BEND5: variants seen among roughly 807,000 people sequenced by gnomAD.
The protein encoded by BEND5 is BEN domain containing 5.
Under a neutral mutation model 43.9 loss-of-function variants are expected in BEND5, and 22 were observed. That is an observed-to-expected ratio of 0.50 (90% confidence interval 0.36 to 0.72). The LOEUF (loss-of-function observed/expected upper bound fraction) is 0.72. BEND5 is among the 30% of genes least tolerant of loss of function. BEND5 has a pLI of 0.00. For missense variants in BEND5, 428 were observed against 550.6 expected (o/e 0.78, Z 2.23); for synonymous variants, 228 against 225.9 (o/e 1.01, Z -0.08).
At chr1:48,767,114 G>A (rs998896523) in intron 1 of BEND5, among the ~76,000 whole-genome samples, 1 of 152,172 alleles carries the variant, frequency 6.6e-6, no homozygotes, top group Non-Finnish European at 1.5e-5. Context: ...GGAGAGGGTG[G>A]CCCAGTATCT....
rs80063625 is a variant in BEND5 at position 48,747,934 on chromosome 1, T to C, written c.746-5163A>G. Among the ~76,000 whole-genome samples, 1,450 of 152,302 alleles carry C rather than the reference T, an allele frequency of 9.5e-3. 25 individuals are homozygous for C. The highest frequency in any genetic ancestry group is 0.033 in the African/African-American group (1,365 of 41,560). Reference sequence around the variant, plus strand: ...TCGATTCTTTTTTCTTTCTTTCTTTTTTTTAGAAAAAAGGACTAAATCCTT... The same window carrying C: ...TCGATTCTTTTTTCTTTCTTTCTTTCTTTTAGAAAAAAGGACTAAATCCTT... On this transcript the variant is annotated intron_variant, in intron 3 of 5. Transcript: ENST00000371833.
Position 48,773,024 on chromosome 1 carries a change from C to G in BEND5, c.226+3582G>C, listed in dbSNP as rs140655326. Among the ~76,000 whole-genome samples, 554 of 152,220 alleles carry G rather than the reference C, an allele frequency of 3.6e-3. 2 individuals are homozygous for G. The highest frequency in any genetic ancestry group is 0.013 in the African/African-American group (534 of 41,536). On this transcript the variant is annotated intron_variant, in intron 1 of 5. Coordinates refer to ENST00000371833, the MANE Select transcript of BEND5 (RefSeq NM_024603.4). Reference sequence around the variant, plus strand: ...CAGGACATGAAAAGTCAACGCCTGCCACCCCTGGGTCGTGCTGTCATTTCA... The same window carrying G: ...CAGGACATGAAAAGTCAACGCCTGCGACCCCTGGGTCGTGCTGTCATTTCA...
chr1:48,776,540 C>T lies in BEND5; in HGVS notation c.226+66G>A. The T allele has an allele frequency of 4.1e-6, 5 of 1,220,914 alleles. No homozygotes were observed. The South Asian group carries it at 5.4e-5, about 13-fold the overall frequency. The allele number at this position is 1,220,914 out of a possible 1,614,324, so 75.6% of individuals were successfully genotyped here. ...CCCCCCGGTCCCCTCCGCCCGGGCC[C>T]CCGGCCCCTCCCGGGGTCCCAGCCC... On this transcript the variant is annotated intron_variant, in intron 1 of 5. Transcript: ENST00000371833.
intron 3 of BEND5, among the ~76,000 whole-genome samples, chr1:48,744,335 TTCTC>T (rs1184075990): frequency 6.6e-6 from 1 of 152,242 alleles, no homozygotes; most frequent in East Asian, 1.9e-4. Flanking sequence ...CCAAAGTTTC[TTCTC>T]TCTGTGTGGG....
intron 5 of BEND5, among the ~76,000 whole-genome samples, chr1:48,732,861 G>A (rs368109943): frequency 1.4e-4 from 21 of 152,306 alleles, no homozygotes; most frequent in African/African-American, 4.8e-4. Context: ...GGACACAGAG[G>A]AGAGGGCCCA....
intron 3 of BEND5, among the ~76,000 whole-genome samples, chr1:48,754,964 G>T (rs1231565494): frequency 6.6e-6 from 1 of 152,132 alleles, no homozygotes; most frequent in Admixed American, 6.5e-5. Flanking sequence ...GCAAAATGAC[G>T]GTGACAGTCT....
rs1228596714 is a variant in BEND5 at position 48,759,075 on chromosome 1, G to A, written c.570C>T (p.Tyr190=). The A allele has an allele frequency of 1.2e-6, 2 of 1,613,066 alleles. No homozygotes were observed. Among genetic ancestry groups the A allele is most frequent in the South Asian group, 1.1e-5 (1 of 90,852 alleles). Residue 190 remains tyrosine (Y), a synonymous_variant, in exon 3 of 6, where the codon TAC becomes TAT. Transcript: ENST00000371833. ...GGCGCATCTCTTCCTGTTGCTGCTG[G>A]TAGTTGCGCAGCAGCTCCTCATACA... The part of the protein sequence containing the change: ...RALYEELLRN[Y]QQQQEEMRHL...
intron 3 of BEND5, among the ~76,000 whole-genome samples, chr1:48,752,877 G>A (rs766512053): frequency 4.0e-5 from 6 of 151,458 alleles, no homozygotes; most frequent in Non-Finnish European, 8.8e-5. Context: ...AGCCTCCTGA[G>A]TAGCTGGGAC....
intron 1 of BEND5, 27 bp downstream of exon 1, chr1:48,776,579 A>C (rs2148710293): frequency 6.2e-6 from 6 of 971,364 alleles, no homozygotes; most frequent in Non-Finnish European, 6.7e-6. Context: ...CCCGGGTCCC[A>C]CCGTCCCTCC....
intron 3 of BEND5, among the ~76,000 whole-genome samples, chr1:48,749,235 CT>C (rs1366596083): frequency 3.3e-5 from 5 of 152,236 alleles, no homozygotes; most frequent in African/African-American, 4.8e-5. Flanking sequence ...ATGTATCTCT[CT>C]TTTTTTCTCT....
At chr1:48,756,971 C>T (rs1419713963) in intron 3 of BEND5, among the ~76,000 whole-genome samples, 2 of 152,206 alleles carry the variant, frequency 1.3e-5, no homozygotes, top group African/African-American at 4.8e-5. Context: ...AAGATCAAGA[C>T]ACTGAAACTA....
intron 1 of BEND5, 57 bp downstream of exon 1, chr1:48,776,549 T>A: frequency 3.3e-4 from 232 of 701,254 alleles, no homozygotes; most frequent in Middle Eastern, 1.1e-3. Context: ...CCCCGGCCCC[T>A]CCCGGGGTCC....
intron 3 of BEND5, among the ~76,000 whole-genome samples, chr1:48,750,063 C>T (rs1651432083): frequency 6.6e-6 from 1 of 152,190 alleles, no homozygotes; most frequent in Admixed American, 6.5e-5. Context: ...GTCTGCCCAA[C>T]AAATCAATCC....
intron 2 of BEND5, 75 bp downstream of exon 2, chr1:48,761,262 A>G: frequency 2.1e-6 from 3 of 1,429,242 alleles, no homozygotes; most frequent in African/African-American, 1.4e-5. Flanking sequence ...AGAGGAAGCC[A>G]GACTGAAACT....
Position 48,761,464 on chromosome 1 carries a change from T to G in BEND5, c.233A>C (p.Lys78Thr), listed in dbSNP as rs1644250326. The G allele has an allele frequency of 6.4e-7, 1 of 1,550,544 alleles. No homozygotes were observed. Among genetic ancestry groups the G allele is most frequent in the Admixed American group, 2.0e-5 (1 of 50,890 alleles). Residue 78 changes from lysine (K) to threonine (T), a missense_variant, in exon 2 of 6, where the codon AAA (lysine) becomes ACA (threonine). This residue lies in a region of BEND5 where 3 missense variants were observed against 16.9 expected (regional missense o/e 0.18). Transcript: ENST00000371833. The part of the protein sequence containing the change: ...KAQILALAED[K>T]SDLENSVMQK... ...CATCACACTGTTTTCAAGGTCAGAT[T>G]TGTCTTCTAAAATGCATATCAAGAG...
At chr1:48,759,774 T>A (rs1644156795) in intron 2 of BEND5, among the ~76,000 whole-genome samples, 1 of 152,196 alleles carries the variant, frequency 6.6e-6, no homozygotes, top group Non-Finnish European at 1.5e-5. Flanking sequence ...CAATTCACCA[T>A]GTAAACTTTT....
At chr1:48,756,737 T>A (rs1007716082) in intron 3 of BEND5, among the ~76,000 whole-genome samples, 1 of 152,238 alleles carries the variant, frequency 6.6e-6, no homozygotes. Flanking sequence ...CATGTGTTAA[T>A]CAATAGACTT....
chr1:48,776,657 G>C lies in BEND5; in HGVS notation c.175C>G (p.Arg59Gly), dbSNP rs1467358732. 5 of 1,492,464 alleles carry C rather than the reference G, an allele frequency of 3.4e-6. No homozygotes were observed. In the East Asian group the frequency reaches 1.4e-4, roughly 43 times the overall value. The allele number at this position is 1,492,464 out of a possible 1,614,324, so 92.5% of individuals were successfully genotyped here. A position where few individuals can be genotyped will look rare whatever the true frequency, so the allele number is the denominator to read the frequency against. ...AGPESPPRAP[R>G]DWGALLLHKA... is the part of the protein sequence containing the mutation. ...TGGAGCAACAGCGCGCCCCAGTCGC[G>C]GGGGGCGCGCGGGGGGCTCTCGGGC... Residue 59 changes from arginine (R) to glycine (G), a missense_variant, in exon 1 of 6, where the codon CGC (arginine) becomes GGC (glycine). By Grantham distance (125) the Arg-to-Gly change is moderately radical. Transcript: ENST00000371833.
rs1570386948 is a variant in BEND5 at position 48,730,586 on chromosome 1, C to T, written c.1109-2543G>A. Among the ~76,000 whole-genome samples the T allele has an allele frequency of 2.0e-5, 3 of 152,186 alleles. 1 individual carries two copies. The highest frequency in any genetic ancestry group is 2.0e-4 in the Admixed American group (3 of 15,290). The stretch of plus-strand genomic sequence containing the variant: ...GGGAAGTGGTAGAAGGAGAAAGGTG[C>T]AAATGGAGGAAGGTTTTTGGAGGAG... On this transcript the variant is annotated intron_variant, in intron 5 of 5. Coordinates refer to ENST00000371833, the MANE Select transcript of BEND5 (RefSeq NM_024603.4).
Sources: gnomAD v4.1 joint callset for allele counts (sites outside exome capture counted in the v4.1 genomes callset) on GRCh38, gnomAD v4.1.1 for gene constraint, gnomAD v4.1.1 regional missense constraint, MANE v1.5 for transcripts, NCBI Gene and HGNC (gene_info 2026-07-23, HGNC 2026-07-21) for gene names.